The following CADM1 variants were observed in gnomAD, a reference collection of about 807,000 sequenced individuals.
CADM1 encodes the protein cell adhesion molecule 1, also known as TSLC-1.
In CADM1, 15 loss-of-function variants were observed where a neutral mutation model predicts 53.1. The observed-to-expected ratio is 0.28, with a 90% CI of 0.19 to 0.44. The LOEUF (loss-of-function observed/expected upper bound fraction) is 0.44. CADM1 is among the 20% of genes least tolerant of loss of function. CADM1 has a pLI of 1.00. For missense variants in CADM1, 434 were observed against 611.3 expected, an observed-to-expected ratio of 0.71 and a Z score of 3.06; for synonymous variants, 281 against 243.0, an observed-to-expected ratio of 1.16 and a Z score of -1.45.
chr11:115,343,805 T>C (rs184936190), intron 1 of CADM1, among the ~76,000 whole-genome samples: 40 of 152,034 alleles, frequency 2.6e-4, no homozygotes, highest in Middle Eastern at 3.4e-3. Flanking sequence ...CCAACCATGC[T>C]ACCTATTATC....
intron 1 of CADM1, among the ~76,000 whole-genome samples, chr11:115,495,096 C>T (rs1172441942): frequency 2.6e-5 from 4 of 152,134 alleles, no homozygotes; most frequent in Non-Finnish European, 2.9e-5. Context: ...CTACTTGAAC[C>T]TTTTAAAAGA....
chr11:115,448,204 C>A (rs936474932), intron 1 of CADM1, among the ~76,000 whole-genome samples: 1 of 152,248 alleles, frequency 6.6e-6, no homozygotes, highest in Non-Finnish European at 1.5e-5. Context: ...TCTTAAAAGG[C>A]AATTGTTTCC....
chr11:115,239,703 A>G (rs1297503639), intron 2 of CADM1, among the ~76,000 whole-genome samples: 1 of 147,704 alleles, frequency 6.8e-6, no homozygotes, highest in Non-Finnish European at 1.5e-5. Context: ...CTCTCCAATA[A>G]CAGTTTTTGG....
At chr11:115,337,344 T>C (rs1397157758) in intron 1 of CADM1, among the ~76,000 whole-genome samples, 1 of 152,160 alleles carries the variant, frequency 6.6e-6, no homozygotes, top group Non-Finnish European at 1.5e-5. Context: ...TTCCACATAA[T>C]TGTCTGTCTT....
chr11:115,242,694 T>G (rs1432133139), intron 1 of CADM1, among the ~76,000 whole-genome samples: 4 of 152,202 alleles, frequency 2.6e-5, no homozygotes, highest in Admixed American at 2.6e-4. Flanking sequence ...GAGGGATTTC[T>G]TCTATCAAAG....
At chr11:115,311,158 T>A (rs547684175) in intron 1 of CADM1, among the ~76,000 whole-genome samples, 1 of 152,214 alleles carries the variant, frequency 6.6e-6, no homozygotes, top group Non-Finnish European at 1.5e-5. Context: ...TGAAAGACAC[T>A]ATTTGACGAT....
intron 1 of CADM1, among the ~76,000 whole-genome samples, chr11:115,263,481 TA>T (rs1270445464): frequency 2.6e-5 from 4 of 152,240 alleles, no homozygotes; most frequent in Admixed American, 6.5e-5. Flanking sequence ...CTGCAGAAAT[TA>T]CTTCAGTGTT....
chr11:115,314,934 A>G (rs896550666), intron 1 of CADM1, among the ~76,000 whole-genome samples: 24 of 152,208 alleles, frequency 1.6e-4, no homozygotes, highest in Admixed American at 9.8e-4. Context: ...TGTTTCATAA[A>G]TTAGGGGAGA....
At chr11:115,193,170 C>A (rs913437923) in intron 9 of CADM1, among the ~76,000 whole-genome samples, 1 of 152,108 alleles carries the variant, frequency 6.6e-6, no homozygotes, top group African/African-American at 2.4e-5. Context: ...AAGACAAAGA[C>A]GTATTTTATG....
At chr11:115,429,754 TACAAAAAATA>T (rs1455740178) in intron 1 of CADM1, among the ~76,000 whole-genome samples, 3 of 152,040 alleles carry the variant, frequency 2.0e-5, no homozygotes, top group African/African-American at 7.2e-5. Flanking sequence ...GCCATGAGGT[TACAAAAAATA>T]ATAAAAAATT....
chr11:115,188,291 A>C (rs1164413323), intron 10 of CADM1, among the ~76,000 whole-genome samples: 2 of 152,244 alleles, frequency 1.3e-5, no homozygotes, highest in Non-Finnish European at 2.9e-5. Flanking sequence ...ATCCATCATC[A>C]ATAAAGTTAA....
At chr11:115,442,898 A>G (rs1948355138) in intron 1 of CADM1, among the ~76,000 whole-genome samples, 2 of 152,172 alleles carry the variant, frequency 1.3e-5, no homozygotes, top group Admixed American at 1.3e-4. Context: ...AGCCAAAAGA[A>G]TCCATTTTCA....
At chr11:115,378,199 A>C (rs560007777) in intron 1 of CADM1, among the ~76,000 whole-genome samples, 1 of 152,272 alleles carries the variant, frequency 6.6e-6, no homozygotes, top group South Asian at 2.1e-4. Flanking sequence ...TGCTATTGTT[A>C]ATGACCACGC....
intron 2 of CADM1, among the ~76,000 whole-genome samples, chr11:115,239,409 G>A (rs1374521543): frequency 2.0e-5 from 3 of 152,126 alleles, no homozygotes; most frequent in African/African-American, 7.2e-5. Context: ...CATTAAGCAG[G>A]AAATCAAAAT....
chr11:115,295,978 TCTCA>T (rs1487658699), intron 1 of CADM1, among the ~76,000 whole-genome samples: 1 of 152,146 alleles, frequency 6.6e-6, no homozygotes. Context: ...AGAAACAGGG[TCTCA>T]CTCTGTCACC....
intron 1 of CADM1, among the ~76,000 whole-genome samples, chr11:115,315,171 A>C (rs1027172842): frequency 6.6e-6 from 1 of 152,198 alleles, no homozygotes; most frequent in East Asian, 1.9e-4. Context: ...TTCTACCAAA[A>C]GAAAAAGGAG....
intron 1 of CADM1, among the ~76,000 whole-genome samples, chr11:115,324,446 T>C (rs1159167109): frequency 6.6e-6 from 1 of 152,192 alleles, no homozygotes; most frequent in Non-Finnish European, 1.5e-5. Context: ...CTAGTACTTT[T>C]ACATGCTATA....
At chr11:115,244,470 G>T (rs1427597509) in intron 1 of CADM1, among the ~76,000 whole-genome samples, 1 of 152,182 alleles carries the variant, frequency 6.6e-6, no homozygotes, top group Non-Finnish European at 1.5e-5. Context: ...GGGAACAAAT[G>T]TTTATCCAGG....
chr11:115,251,246 A>C (rs549220098), intron 1 of CADM1, among the ~76,000 whole-genome samples: 2 of 152,368 alleles, frequency 1.3e-5, no homozygotes, highest in East Asian at 3.9e-4. Context: ...TTGACAGTCT[A>C]CGTGGCTGAA....
Sources: allele counts gnomAD v4.1 joint callset (sites outside exome capture counted in the v4.1 genomes callset), GRCh38; gene constraint gnomAD v4.1.1; transcripts MANE v1.5; gene names NCBI Gene and HGNC (gene_info 2026-07-23, HGNC 2026-07-21).